The following USP47 variants were observed in gnomAD, a reference collection of about 807,000 sequenced individuals.
USP47 encodes the protein ubiquitin specific peptidase 47.
In USP47, 35 loss-of-function variants were observed where a neutral mutation model predicts 165.1. The observed-to-expected ratio is 0.21, with a 90% CI of 0.16 to 0.28. USP47 has a LOEUF of 0.28. USP47 is among the 10% of genes least tolerant of loss of function. USP47 has a pLI of 1.00. For synonymous variants in USP47, 531 were observed against 544.5 expected (o/e 0.98, Z 0.35); for missense variants, 1,277 against 1,607.4 (o/e 0.79, Z 3.52).
rs61751346 is a variant in USP47 at position 11,950,487 on chromosome 11, T to A, written c.3583+5T>A. The A allele has an allele frequency of 7.7e-3, 12,054 of 1,575,304 alleles. 82 individuals carry two copies. Among genetic ancestry groups the A allele is most frequent in the Non-Finnish European group, 7.9e-3 (9,082 of 1,153,840 alleles). On this transcript the variant is annotated splice_donor_5th_base_variant and intron_variant, in intron 24 of 27. Transcript: ENST00000527733. Reference sequence around the variant, plus strand: ...TTTTCCTTGAAGTTCTTGATGGTATTTTCAATATTTTTGGGGGGAAGTATC... The same window carrying A: ...TTTTCCTTGAAGTTCTTGATGGTATATTCAATATTTTTGGGGGGAAGTATC...
chr11:11,915,693 A>G (rs1409007095), intron 8 of USP47, among the ~76,000 whole-genome samples: 1 of 152,138 alleles, frequency 6.6e-6, no homozygotes, highest in East Asian at 1.9e-4. Context: ...AAAAGTAGAC[A>G]GCTTAGGTAA....
Position 11,938,238 on chromosome 11 carries a change from A to G in USP47, c.2078-19A>G. ...AAAAATAACCTCCAATTCTGTGTTTATGTCTTCAAATGTGACAGAAGTGAT... is the reference window on the plus strand; with the variant it reads ...AAAAATAACCTCCAATTCTGTGTTTGTGTCTTCAAATGTGACAGAAGTGAT... On this transcript the variant is annotated intron_variant, in intron 17 of 27. Coordinates refer to ENST00000527733, the MANE Select transcript of USP47 (RefSeq NM_001282659.2). 6.3e-7 allele frequency: 1 copy of G among 1,597,138 alleles called. No homozygotes were observed.
chr11:11,920,024 T>G, intron 8 of USP47, 132 bp from the exon 9 acceptor site: 1 of 559,580 alleles, frequency 1.8e-6, no homozygotes, highest in Non-Finnish European at 2.8e-6. Context: ...TAATTTTCCT[T>G]GGTACATTTT....
At chr11:11,878,188 A>G (rs1850603399) in intron 1 of USP47, among the ~76,000 whole-genome samples, 1 of 152,128 alleles carries the variant, frequency 6.6e-6, no homozygotes, top group Non-Finnish European at 1.5e-5. Context: ...AGGAACTGCT[A>G]ATGTCTGACC....
chr11:11,946,053 C>G (rs1384080204), intron 20 of USP47, among the ~76,000 whole-genome samples: 2 of 151,998 alleles, frequency 1.3e-5, no homozygotes, highest in Non-Finnish European at 2.9e-5. Flanking sequence ...AAGACATAGA[C>G]TCTTCAGTCT....
chr11:11,850,229 C>G (rs1368001956), intron 1 of USP47, among the ~76,000 whole-genome samples: 1 of 149,692 alleles, frequency 6.7e-6, no homozygotes, highest in Non-Finnish European at 1.5e-5. Flanking sequence ...TTTTGAATTC[C>G]TGTTGTTAGA....
rs1165744479 is a variant in USP47, at chr11:11,961,202, G to A, written c.*5027G>A. On this transcript the variant is annotated 3_prime_UTR_variant, in exon 28 of 28. Coordinates refer to ENST00000527733, the MANE Select transcript of USP47 (RefSeq NM_001282659.2). Reference sequence around the variant, plus strand: ...GTATCCTGTGATTATTTACCTGACAGGGCAAAAGAGATTTTGCAGATGCAA... The same window carrying A: ...GTATCCTGTGATTATTTACCTGACAAGGCAAAAGAGATTTTGCAGATGCAA... Among the ~76,000 whole-genome samples, 2 of 152,054 alleles carry A rather than the reference G, an allele frequency of 1.3e-5. No homozygotes were observed. The highest frequency in any genetic ancestry group is 4.8e-5 in the African/African-American group (2 of 41,368).
In USP47 at chr11:11,960,057, A is replaced by G. The variant is rs777816577; in HGVS notation, c.*3882A>G. 2.6e-5 allele frequency among the ~76,000 whole-genome samples: 4 copies of G among 152,178 alleles called. No homozygotes were observed. The highest frequency in any genetic ancestry group is 2.9e-5 in the Non-Finnish European group (2 of 68,044). ...ATTGTTTTGTCAAATGCAGTTACCC[A>G]CTGGGCAGTGGGCTTATCAAGTGCT... On this transcript the variant is annotated 3_prime_UTR_variant, in exon 28 of 28. Transcript: ENST00000527733.
Position 11,880,339 on chromosome 11 carries a change from T to A in USP47, c.202T>A (p.Phe68Ile). 1 of 1,362,472 alleles carries A rather than the reference T, an allele frequency of 7.3e-7. No individual in the cohort carries two copies. 84.4% of individuals were successfully genotyped at this position (1,362,472 alleles called of 1,614,324 possible). Residue 68 changes from phenylalanine to isoleucine, a missense_variant, in exon 2 of 28, where the codon TTT becomes ATT. Phe to Ile is a conservative substitution (Grantham distance 21). Coordinates refer to ENST00000527733, the MANE Select transcript of USP47 (RefSeq NM_001282659.2). ...ANKVGYINGTFDLVWGNGINT... is the reference protein window; with the variant it reads ...ANKVGYINGTIDLVWGNGINT... ...CAAAGTAGGCTACATAAATGGAACCTTTGACTTGGTGTGGGGAAATGGAAT... is the reference window on the plus strand; with the variant it reads ...CAAAGTAGGCTACATAAATGGAACCATTGACTTGGTGTGGGGAAATGGAAT...
chr11:11,859,306 T>TA (rs1849241300), intron 1 of USP47, among the ~76,000 whole-genome samples: 1 of 152,206 alleles, frequency 6.6e-6, no homozygotes, highest in Non-Finnish European at 1.5e-5. Flanking sequence ...TGATGCTAGT[T>TA]ACAATTTTGG....
At chr11:11,843,906 C>T (rs1356840406) in intron 1 of USP47, among the ~76,000 whole-genome samples, 3 of 152,100 alleles carry the variant, frequency 2.0e-5, no homozygotes, top group African/African-American at 4.8e-5. Context: ...TTTTCCCTTT[C>T]TTCTTTTTAT....
At position 11,957,857 on chromosome 11, in the gene USP47, A is replaced by G. The variant is rs1022826636; in HGVS notation, c.*1682A>G. The G allele has an allele frequency of 2.6e-5, 4 of 152,084 alleles. No individual in the cohort carries two copies. Among genetic ancestry groups the G allele is most frequent in the Admixed American group, 1.3e-4 (2 of 15,266 alleles). 9.4% of individuals were successfully genotyped at this position (152,084 alleles called of 1,614,324 possible). ...CCTGGAATCCACAATGAAAAAAAAA[A>G]TCTTTTCTAAGGTATTTTTCTGGCT... On this transcript the variant is annotated 3_prime_UTR_variant, in exon 28 of 28. Transcript: ENST00000527733.
chr11:11,858,289 A>G (rs1849176226), intron 1 of USP47, among the ~76,000 whole-genome samples: 1 of 152,178 alleles, frequency 6.6e-6, no homozygotes, highest in African/African-American at 2.4e-5. Flanking sequence ...TCTCGGTAAG[A>G]AAAACTATAA....
At chr11:11,941,288 A>C (rs1342674485) in intron 19 of USP47, among the ~76,000 whole-genome samples, 6 of 151,572 alleles carry the variant, frequency 4.0e-5, no homozygotes, top group Non-Finnish European at 7.4e-5. Context: ...AAAACATTAA[A>C]ATTTCTAATC....
chr11:11,905,641 GA>G, intron 8 of USP47, 93 bp downstream of exon 8: 1 of 1,255,042 alleles, frequency 8.0e-7, no homozygotes, highest in South Asian at 2.4e-5. Context: ...TATCATCCTA[GA>G]TACACCTTCT....
chr11:11,938,479 A>G (rs1855233456), intron 18 of USP47, 107 bp downstream of exon 18: 1 of 781,374 alleles, frequency 1.3e-6, no homozygotes, highest in Non-Finnish European at 2.0e-6. Context: ...CCAGGAGCTA[A>G]TTAATATTTG....
intron 7 of USP47, among the ~76,000 whole-genome samples, chr11:11,903,630 A>G (rs1852364498): frequency 6.6e-6 from 1 of 152,160 alleles, no homozygotes; most frequent in Admixed American, 6.5e-5. Flanking sequence ...AACTGTATAT[A>G]TGTGTTTTGG....
At chr11:11,891,479 T>C (rs531409602) in intron 3 of USP47, among the ~76,000 whole-genome samples, 1 of 152,354 alleles carries the variant, frequency 6.6e-6, no homozygotes, top group South Asian at 2.1e-4. Flanking sequence ...CATTGAAATC[T>C]AAAATAGCTA....
intron 6 of USP47, 149 bp downstream of exon 6, chr11:11,903,009 C>A (rs756277392): frequency 3.3e-6 from 3 of 906,784 alleles, no homozygotes; most frequent in Non-Finnish European, 4.7e-6. Flanking sequence ...CATTTCATAA[C>A]TCTACAATGA....
Sources: gnomAD v4.1 joint callset for allele counts (sites outside exome capture counted in the v4.1 genomes callset) on GRCh38, gnomAD v4.1.1 for gene constraint, MANE v1.5 for transcripts, NCBI Gene and HGNC (gene_info 2026-07-23, HGNC 2026-07-21) for gene names.